MINDY4: variants seen among roughly 807,000 people sequenced by gnomAD.
The protein encoded by MINDY4 is MINDY lysine 48 deubiquitinase 4, also known as probable ubiquitin carboxyl-terminal hydrolase MINDY-4.
A neutral mutation model predicts 87.0 loss-of-function variants in MINDY4; 68 were observed. That is an observed-to-expected ratio of 0.78 (90% CI 0.64 to 0.96). The LOEUF (loss-of-function observed/expected upper bound fraction) is 0.96. Among genes scored for constraint, MINDY4 ranks in the 40% least tolerant of loss-of-function variants. The pLI, the probability that MINDY4 is intolerant of heterozygous loss-of-function variation, is 0.00. For synonymous variants in MINDY4, 379 were observed against 363.2 expected (o/e 1.04, Z -0.50); for missense variants, 919 against 928.2 (o/e 0.99, Z 0.13).
rs146635584 is a variant in MINDY4 at position 30,873,873 on chromosome 7, T to A, written c.1809+1567T>A. ...CGTGCATTATTTTACAGCAGACATT[T>A]CCTCCAAATTCTTGTGTCTCATTTC... On this transcript the variant is annotated intron_variant, in intron 14 of 17. Transcript: ENST00000265299. 4.4e-3 allele frequency among the ~76,000 whole-genome samples: 676 copies of A among 152,292 alleles called. 3 individuals carry two copies. Among genetic ancestry groups the A allele is most frequent in the African/African-American group, 0.015 (614 of 41,546 alleles).
intron 15 of MINDY4, among the ~76,000 whole-genome samples, chr7:30,877,232 C>T (rs7802776): frequency 6.6e-6 from 1 of 152,156 alleles, no homozygotes; most frequent in Admixed American, 6.5e-5. Context: ...CCAAGAGAGG[C>T]AACCTTGGCT....
chr7:30,875,475 C>G lies in MINDY4; in HGVS notation c.1810-20C>G. 3.7e-6 allele frequency: 6 copies of G among 1,613,746 alleles called. No homozygotes were observed. The highest frequency in any genetic ancestry group is 5.1e-6 in the Non-Finnish European group (6 of 1,179,728). ...ACTGATTCAGACTTGATGAGTCTTTCCCCTTTCTCTCATCTGCAGGAACTT... is the reference window on the plus strand; with the variant it reads ...ACTGATTCAGACTTGATGAGTCTTTGCCCTTTCTCTCATCTGCAGGAACTT... On this transcript the variant is annotated intron_variant, in intron 14 of 17. Coordinates refer to ENST00000265299, the MANE Select transcript of MINDY4 (RefSeq NM_032222.3).
intron 4 of MINDY4, among the ~76,000 whole-genome samples, chr7:30,789,878 A>G (rs1404538015): frequency 6.6e-6 from 1 of 152,010 alleles, no homozygotes; most frequent in Non-Finnish European, 1.5e-5. Flanking sequence ...GTAAGGGAGG[A>G]TATTTGGATA....
chr7:30,795,073 C>T (rs1002753485), intron 5 of MINDY4, among the ~76,000 whole-genome samples: 9 of 152,266 alleles, frequency 5.9e-5, no homozygotes, highest in Non-Finnish European at 1.0e-4. Flanking sequence ...TCTTTGGAGG[C>T]ACCTCACTTG....
At chr7:30,841,038 T>G (rs546956299) in intron 9 of MINDY4, among the ~76,000 whole-genome samples, 190 bp downstream of exon 9, 2 of 152,254 alleles carry the variant, frequency 1.3e-5, no homozygotes, top group South Asian at 4.2e-4. Flanking sequence ...TGTGCGCGTT[T>G]GTTTCTGAAA....
chr7:30,833,199 C>T (rs1002324132), intron 6 of MINDY4, among the ~76,000 whole-genome samples: 3 of 152,114 alleles, frequency 2.0e-5, no homozygotes, highest in Non-Finnish European at 2.9e-5. Flanking sequence ...TCCATTTTCA[C>T]GCTGCTGATA....
intron 4 of MINDY4, among the ~76,000 whole-genome samples, chr7:30,790,887 A>T (rs1208921582): frequency 6.6e-6 from 1 of 152,176 alleles, no homozygotes; most frequent in Non-Finnish European, 1.5e-5. Context: ...CGACGGCTTC[A>T]CCTGCTGCAT....
intron 4 of MINDY4, among the ~76,000 whole-genome samples, chr7:30,787,031 C>T (rs952581758): frequency 2.6e-5 from 4 of 152,240 alleles, no homozygotes; most frequent in Admixed American, 2.0e-4. Context: ...GGTGCAGGTG[C>T]TGGCACTGTT....
intron 5 of MINDY4, among the ~76,000 whole-genome samples, chr7:30,809,784 A>G (rs953233794): frequency 2.0e-5 from 3 of 147,060 alleles, no homozygotes; most frequent in African/African-American, 2.6e-5. Context: ...ATCATCTTCG[A>G]AAAAAAAAAG....
intron 17 of MINDY4, among the ~76,000 whole-genome samples, chr7:30,891,382 G>T (rs1415082690): frequency 1.3e-5 from 2 of 151,406 alleles, no homozygotes; most frequent in African/African-American, 4.9e-5. Context: ...CCACAATTTA[G>T]TTATACTCCG....
At chr7:30,817,116 G>A (rs929632193) in intron 5 of MINDY4, among the ~76,000 whole-genome samples, 5 of 152,148 alleles carry the variant, frequency 3.3e-5, no homozygotes, top group African/African-American at 9.7e-5. Flanking sequence ...GAGGCTCAGA[G>A]TCCCACTGAG....
chr7:30,860,322 G>A (rs150853808), intron 13 of MINDY4, among the ~76,000 whole-genome samples: 6 of 152,262 alleles, frequency 3.9e-5, no homozygotes, highest in African/African-American at 1.4e-4. Flanking sequence ...GGACAGTGGG[G>A]GCTCTGTGGC....
chr7:30,793,461 G>C (rs1198510060), intron 5 of MINDY4, among the ~76,000 whole-genome samples: 1 of 150,832 alleles, frequency 6.6e-6, no homozygotes. Context: ...TGTCACCTAG[G>C]ATGGAGCACA....
chr7:30,804,021 G>T (rs1265635907), intron 5 of MINDY4, among the ~76,000 whole-genome samples: 2 of 152,218 alleles, frequency 1.3e-5, no homozygotes, highest in Non-Finnish European at 2.9e-5. Flanking sequence ...GGAGTACTGG[G>T]TGTATGCCTT....
At chr7:30,850,327 C>A in intron 9 of MINDY4, 127 bp from the exon 10 acceptor site, 2 of 842,310 alleles carry the variant, frequency 2.4e-6, no homozygotes, top group Non-Finnish European at 3.7e-6. Flanking sequence ...CTGCAGGTGG[C>A]CCCTCTGCAG....
intron 9 of MINDY4, among the ~76,000 whole-genome samples, chr7:30,846,842 A>G (rs116973897): frequency 0.036 from 5,412 of 152,162 alleles, 146 homozygotes; most frequent in East Asian, 0.11. Flanking sequence ...CGCAACCTAG[A>G]TCCCTCGCAT....
intron 17 of MINDY4, 71 bp from the exon 18 acceptor site, chr7:30,891,886 C>T: frequency 1.3e-6 from 2 of 1,493,762 alleles, no homozygotes; most frequent in Non-Finnish European, 9.3e-7. Flanking sequence ...GAAGTGGAGG[C>T]AAGAGATGGG....
At chr7:30,873,916 A>G (rs1790184755) in intron 14 of MINDY4, among the ~76,000 whole-genome samples, 1 of 152,182 alleles carries the variant, frequency 6.6e-6, no homozygotes, top group Non-Finnish European at 1.5e-5. Flanking sequence ...AGGACACAAT[A>G]AGTCCCCTTT....
intron 13 of MINDY4, among the ~76,000 whole-genome samples, chr7:30,871,353 G>T (rs1037823618): frequency 7.9e-5 from 12 of 152,212 alleles, no homozygotes; most frequent in Non-Finnish European, 1.2e-4. Flanking sequence ...TCCTTACAGG[G>T]CTCTGTTCAA....
Sources: gnomAD v4.1 joint callset for allele counts (sites outside exome capture counted in the v4.1 genomes callset) on GRCh38, gnomAD v4.1.1 for gene constraint, MANE v1.5 for transcripts, NCBI Gene and HGNC (gene_info 2026-07-23, HGNC 2026-07-21) for gene names.